SPATA7: variants seen among roughly 807,000 people sequenced by gnomAD.
SPATA7 encodes the protein spermatogenesis-associated protein 7.
In SPATA7, 43 loss-of-function variants were observed where a neutral mutation model predicts 51.8. The observed-to-expected ratio is 0.83, with a 90% CI of 0.65 to 1.07. The LOEUF (loss-of-function observed/expected upper bound fraction) is 1.07. SPATA7 is among the 50% of genes least tolerant of loss of function. SPATA7 has a pLI of 0.00. For missense variants in SPATA7, 683 were observed against 701.3 expected (o/e 0.97, Z 0.30); for synonymous variants, 230 against 252.8 (o/e 0.91, Z 0.86).
chr14:88,408,722 C>G (rs1195880057), intron 4 of SPATA7, among the ~76,000 whole-genome samples: 1 of 149,662 alleles, frequency 6.7e-6, no homozygotes, highest in Non-Finnish European at 1.5e-5. Flanking sequence ...TTTGTCCATT[C>G]AGTATGATAT....
exon 4 of SPATA7, chr14:88,455,107 T>C (rs950937310): frequency 1.8e-5 from 8 of 455,818 alleles, no homozygotes; most frequent in Non-Finnish European, 3.1e-5. Flanking sequence ...CACTGGAAGA[T>C]GAATAAAGTG....
chr14:88,463,989 T>C (rs530649414), intron 4 of SPATA7, among the ~76,000 whole-genome samples: 1 of 151,796 alleles, frequency 6.6e-6, no homozygotes, highest in East Asian at 2.0e-4. Flanking sequence ...GCTGGACACG[T>C]GCCACCATGC....
At chr14:88,441,089 A>G (rs191869368), downstream of SPATA7, among the ~76,000 whole-genome samples, 1 of 152,156 alleles carries the variant, frequency 6.6e-6, no homozygotes, top group Non-Finnish European at 1.5e-5. Context: ...TTGGTTTTCC[A>G]TTCCTGAGTT....
rs555971615 is a variant in SPATA7, at chr14:88,389,740, A to C, written c.20-1641A>C. Among the ~76,000 whole-genome samples the C allele has an allele frequency of 1.5e-3, 231 of 152,306 alleles. 2 individuals carry two copies. Among genetic ancestry groups the C allele is most frequent in the Non-Finnish European group, 2.0e-3 (133 of 68,038 alleles). ...GTCACTTACAGATGGGTGGGGAAGCATTTCTATCCAGAGCATTATCACTAG... is the reference window on the plus strand; with the variant it reads ...GTCACTTACAGATGGGTGGGGAAGCCTTTCTATCCAGAGCATTATCACTAG... On this transcript the variant is annotated intron_variant, in intron 1 of 11. Coordinates refer to ENST00000393545, the MANE Select transcript of SPATA7 (RefSeq NM_018418.5).
intron 4 of SPATA7, among the ~76,000 whole-genome samples, chr14:88,413,989 C>T (rs927963060): frequency 5.9e-5 from 9 of 152,134 alleles, no homozygotes; most frequent in Admixed American, 2.6e-4. Flanking sequence ...CTATGTTAAT[C>T]AGGGATATTG....
At chr14:88,414,070 G>A (rs2076411690) in intron 4 of SPATA7, among the ~76,000 whole-genome samples, 1 of 151,966 alleles carries the variant, frequency 6.6e-6, no homozygotes, top group Non-Finnish European at 1.5e-5. Context: ...TTCATAGATT[G>A]GGTTTCATAG....
At chr14:88,435,479 T>G (rs1360657890) in intron 10 of SPATA7, among the ~76,000 whole-genome samples, 1 of 152,198 alleles carries the variant, frequency 6.6e-6, no homozygotes, top group Middle Eastern at 3.2e-3. Flanking sequence ...ACAATTAAGT[T>G]ACTATTGACT....
At chr14:88,440,224 A>G (rs561903243), downstream of SPATA7, among the ~76,000 whole-genome samples, 1 of 152,158 alleles carries the variant, frequency 6.6e-6, no homozygotes, top group African/African-American at 2.4e-5. Context: ...ATTCTCAGAA[A>G]CTATCTCCTG....
At chr14:88,455,924 G>A (rs1314813693), downstream of SPATA7, among the ~76,000 whole-genome samples, 1 of 135,830 alleles carries the variant, frequency 7.4e-6, no homozygotes, top group Non-Finnish European at 1.5e-5. Flanking sequence ...CCCTTCCTGT[G>A]TCCATGTGTT....
chr14:88,448,140 G>T (rs1300883880), intron 3 of SPATA7, among the ~76,000 whole-genome samples: 4 of 152,050 alleles, frequency 2.6e-5, no homozygotes, highest in African/African-American at 7.3e-5. Context: ...CGTAGATTTG[G>T]TCTTTTCACA....
chr14:88,433,213 G>T lies in SPATA7; in HGVS notation c.1160+1G>T. On this transcript the variant is annotated splice_donor_variant, in intron 10 of 11. Coordinates refer to ENST00000393545, the MANE Select transcript of SPATA7 (RefSeq NM_018418.5). LOFTEE classifies it high-confidence loss of function. ...TGAAACTTGGTTTATTTTCAAACAGGTTAGTTTTTTTAATGGTGTTATGTT... is the reference window on the plus strand; with the variant it reads ...TGAAACTTGGTTTATTTTCAAACAGTTTAGTTTTTTTAATGGTGTTATGTT... 2 of 1,599,290 alleles carry T rather than the reference G, an allele frequency of 1.3e-6. No individual in the cohort carries two copies. The highest frequency in any genetic ancestry group is 1.7e-6 in the Non-Finnish European group (2 of 1,169,696).
intron 4 of SPATA7, chr14:88,415,193 A>G (rs1308024244): frequency 3.2e-6 from 1 of 314,980 alleles, no homozygotes; most frequent in Non-Finnish European, 6.7e-6. Context: ...GGCTGTCTAA[A>G]TCTTTTCATA....
chr14:88,443,054 C>G (rs1042502506), downstream of SPATA7, among the ~76,000 whole-genome samples: 2 of 151,764 alleles, frequency 1.3e-5, no homozygotes, highest in Non-Finnish European at 2.9e-5. Context: ...AAGCAACTCT[C>G]CTGCCTCAGC....
At chr14:88,460,395 G>A (rs2077309882) in intron 4 of SPATA7, among the ~76,000 whole-genome samples, 1 of 142,144 alleles carries the variant, frequency 7.0e-6, no homozygotes, top group South Asian at 2.3e-4. Context: ...TTTCTTGGAG[G>A]CTTTGTTCAT....
At chr14:88,399,582 C>T (rs2076000600) in intron 4 of SPATA7, among the ~76,000 whole-genome samples, 1 of 152,096 alleles carries the variant, frequency 6.6e-6, no homozygotes, top group African/African-American at 2.4e-5. Context: ...AATTTCTGTG[C>T]TTTACATTTT....
chr14:88,459,017 T>A (rs760146932), downstream of SPATA7, among the ~76,000 whole-genome samples: 1 of 152,238 alleles, frequency 6.6e-6, no homozygotes, highest in Non-Finnish European at 1.5e-5. Context: ...TCAGTTTCCA[T>A]GTAGTTGAGC....
rs1194042213 is a variant in SPATA7, at chr14:88,429,407, G to A, written c.972G>A (p.Gly324=). 6.2e-7 allele frequency: 1 copy of A among 1,612,836 alleles called. No homozygotes were observed. The highest frequency in any genetic ancestry group is 8.5e-7 in the Non-Finnish European group (1 of 1,179,168). ...KEKIAPLPLE[G]HDSTWDEIKD... ...AAATAGCTCCTTTACCTTTAGAAGG[G>A]CATGACTCAACATGGGATGAGATTA... The change falls in exon 8 of 12, where the codon GGG becomes GGA. Residue 324 remains glycine, a synonymous_variant. Coordinates refer to ENST00000393545, the MANE Select transcript of SPATA7 (RefSeq NM_018418.5).
At chr14:88,448,536 G>A (rs375790181) in intron 3 of SPATA7, among the ~76,000 whole-genome samples, 3 of 152,136 alleles carry the variant, frequency 2.0e-5, no homozygotes, top group East Asian at 1.9e-4. Flanking sequence ...GAGGAACTGC[G>A]TTCCTTTGGA....
In SPATA7 at chr14:88,468,054, C is replaced by T. The variant is rs148445079; in HGVS notation, c.255-1793C>T. On this transcript the variant is annotated intron_variant, in intron 4 of 4. Coordinates refer to the SPATA7 transcript ENST00000556406. ...CCACGCTGCGTGGATCAAGTGTCAA[C>T]GGGAAAGTATGAGTTAGGCAAGCGC... 313 of 1,513,256 alleles carry T rather than the reference C, an allele frequency of 2.1e-4. 2 individuals are homozygous for T. In the East Asian group the frequency reaches 5.7e-3, roughly 28 times the overall value. The allele number at this position is 1,513,256 out of a possible 1,614,324, so 93.7% of individuals were successfully genotyped here.
Sources: allele counts gnomAD v4.1 joint callset (sites outside exome capture counted in the v4.1 genomes callset), GRCh38; gene constraint gnomAD v4.1.1; transcripts MANE v1.5; gene names NCBI Gene and HGNC (gene_info 2026-07-23, HGNC 2026-07-21).